The following ATXN3 variants were observed in gnomAD, a reference collection of about 807,000 sequenced individuals.
ATXN3 encodes ataxin-3.
In ATXN3, 28 loss-of-function variants were observed where a neutral mutation model predicts 58.2. That is an observed-to-expected ratio of 0.48 (90% CI 0.36 to 0.66). The LOEUF is 0.66. Among genes scored for constraint, ATXN3 ranks in the 30% least tolerant of loss-of-function variants. ATXN3 has a pLI of 0.00. For synonymous variants in ATXN3, 113 were observed against 138.5 expected, an observed-to-expected ratio of 0.82 and a Z score of 1.29; for missense variants, 321 against 422.1, an observed-to-expected ratio of 0.76 and a Z score of 2.10.
chr14:92,098,677 C>A (rs1317547737), intron 1 of ATXN3, among the ~76,000 whole-genome samples: 1 of 152,218 alleles, frequency 6.6e-6, no homozygotes, highest in Admixed American at 6.5e-5. Context: ...GAGAAAAATT[C>A]TGTTCCATGT....
downstream of ATXN3, among the ~76,000 whole-genome samples, chr14:92,057,626 T>C (rs2057487373): frequency 6.6e-6 from 1 of 151,842 alleles, no homozygotes; most frequent in South Asian, 2.1e-4. Context: ...CCTGTAATGT[T>C]ATTATGTTTC....
rs376552690 is a variant in ATXN3, at chr14:92,075,156, GTTTTTTTTTTT to G, written c.873-4114_873-4104del. On this transcript the variant is annotated intron_variant, in intron 9 of 10. Transcript: ENST00000644486. ...ATAAATTATGAATCTGTAATAGGGA[GTTTTTTTTTTT>G]TTTTTTTTTTTTTTGAGATGGAGTC... Among the ~76,000 whole-genome samples the G allele has an allele frequency of 2.9e-3, 326 of 111,354 alleles. 3 individuals carry two copies. Among genetic ancestry groups the G allele is most frequent in the East Asian group, 0.016 (62 of 3,866 alleles). The allele number at this position is 111,354 out of a possible 152,430, so 73.1% of individuals were successfully genotyped here.
At chr14:92,054,291 T>C (rs923243390), downstream of ATXN3, among the ~76,000 whole-genome samples, 1 of 152,176 alleles carries the variant, frequency 6.6e-6, no homozygotes, top group South Asian at 2.1e-4. Context: ...CTGGGCTGCA[T>C]TCCCAGATGG....
At position 92,083,288 on chromosome 14, in the gene ATXN3, C is replaced by A. The variant is rs12590497; in HGVS notation, c.476-30G>T. On this transcript the variant is annotated intron_variant, in intron 6 of 10. Coordinates refer to ENST00000644486, the MANE Select transcript of ATXN3 (RefSeq NM_004993.6). ...AAAAAAAAGGCAAAAATCAACCTAACCAGTTAGTAAAGAGATTCAAAATTG... is the reference window on the plus strand; with the variant it reads ...AAAAAAAAGGCAAAAATCAACCTAAACAGTTAGTAAAGAGATTCAAAATTG... 0.26 allele frequency: 411,768 copies of A among 1,578,326 alleles called. 56,227 individuals carry two copies. The highest frequency in any genetic ancestry group is 0.46 in the East Asian group (20,630 of 44,616).
intron 7 of ATXN3, 25 bp downstream of exon 7, chr14:92,083,101 T>A: frequency 6.3e-7 from 1 of 1,596,098 alleles, no homozygotes; most frequent in Non-Finnish European, 8.5e-7. Flanking sequence ...TACCATATAT[T>A]CCATACTGCA....
chr14:92,051,718 C>CGTT (rs2057448563), upstream of ATXN3, among the ~76,000 whole-genome samples: 2 of 35,692 alleles, frequency 5.6e-5, no homozygotes, highest in Non-Finnish European at 1.0e-4. Context: ...CTTTTCCTTT[C>CGTT]TTTTTTTTTT....
intron 5 of ATXN3, among the ~76,000 whole-genome samples, chr14:92,089,119 T>C (rs8003520): frequency 0.29 from 42,642 of 149,486 alleles, 6,336 homozygotes; most frequent in East Asian, 0.45. Context: ...CAGGTTCAAG[T>C]GATTCTCCTG....
At chr14:92,082,174 A>C (rs1220017678) in intron 8 of ATXN3, 126 bp downstream of exon 8, 2 of 1,030,952 alleles carry the variant, frequency 1.9e-6, no homozygotes, top group Admixed American at 5.4e-5. Flanking sequence ...AAAGCCCACT[A>C]TATAGCTATT....
At chr14:92,071,877 A>G (rs2059512801) in intron 9 of ATXN3, among the ~76,000 whole-genome samples, 1 of 152,152 alleles carries the variant, frequency 6.6e-6, no homozygotes, top group Admixed American at 6.6e-5. Context: ...CCATTATTTC[A>G]TCACTTCATT....
intron 10 of ATXN3, among the ~76,000 whole-genome samples, chr14:92,067,656 C>A (rs2058688792): frequency 6.6e-6 from 1 of 152,062 alleles, no homozygotes; most frequent in African/African-American, 2.4e-5. Context: ...CTTGGCCTCC[C>A]AAAGTGCTGG....
At chr14:92,087,813 G>T (rs559976759) in intron 6 of ATXN3, among the ~76,000 whole-genome samples, 1 of 152,334 alleles carries the variant, frequency 6.6e-6, no homozygotes, top group African/African-American at 2.4e-5. Context: ...TAGTTAAAGA[G>T]TAATATGCTT....
intron 5 of ATXN3, among the ~76,000 whole-genome samples, chr14:92,089,332 CTTTTTTTTTT>C (rs1157498754): frequency 3.3e-5 from 2 of 60,738 alleles, no homozygotes; most frequent in African/African-American, 7.4e-5. Context: ...GCTAAATACT[CTTTTTTTTTT>C]TTTTTTTTTT....
chr14:92,088,107 C>T (rs997390895), intron 6 of ATXN3, among the ~76,000 whole-genome samples: 1 of 150,130 alleles, frequency 6.7e-6, no homozygotes, highest in Admixed American at 6.7e-5. Flanking sequence ...CTCGCTCTGT[C>T]GCCCAGGCTG....
intron 6 of ATXN3, among the ~76,000 whole-genome samples, chr14:92,085,880 G>A (rs2062371192): frequency 6.6e-6 from 1 of 152,106 alleles, no homozygotes; most frequent in Non-Finnish European, 1.5e-5. Flanking sequence ...GAAAAGTGCA[G>A]GCAGCAAGTT....
In ATXN3 at chr14:92,088,837, A is replaced by G. The variant is rs768171400; in HGVS notation, c.388-20T>C. On this transcript the variant is annotated intron_variant, in intron 5 of 10. Transcript: ENST00000644486. Reference sequence around the variant, plus strand: ...AAACCACTGGAAAAAAATTGTCAATATTTAAGTTAGTGTATATTATAGGTA... The same window carrying G: ...AAACCACTGGAAAAAAATTGTCAATGTTTAAGTTAGTGTATATTATAGGTA... 1.1e-5 allele frequency: 16 copies of G among 1,468,428 alleles called. No individual in the cohort carries two copies. Among genetic ancestry groups the G allele is most frequent in the Non-Finnish European group, 1.5e-5 (16 of 1,048,888 alleles). The allele number at this position is 1,468,428 out of a possible 1,614,324, so 91.0% of individuals were successfully genotyped here.
At position 92,096,936 on chromosome 14, in the gene ATXN3, C is replaced by T. The variant is rs1441466149; in HGVS notation, c.25-98G>A. On this transcript the variant is annotated intron_variant, in intron 1 of 10. Coordinates refer to ENST00000644486, the MANE Select transcript of ATXN3 (RefSeq NM_004993.6). Reference sequence around the variant, plus strand: ...TTTTTTTTTTTTTTTGAGACGGAGTCTCACTCTTTCACCCAGGCCGGAGTG... The same window carrying T: ...TTTTTTTTTTTTTTTGAGACGGAGTTTCACTCTTTCACCCAGGCCGGAGTG... 10 of 1,050,686 alleles carry T rather than the reference C, an allele frequency of 9.5e-6. No homozygotes were observed. In the Admixed American group the frequency reaches 1.1e-4, roughly 11 times the overall value. The allele number at this position is 1,050,686 out of a possible 1,614,324, so 65.1% of individuals were successfully genotyped here. A position where few individuals can be genotyped will look rare whatever the true frequency, so the allele number is the denominator to read the frequency against.
intron 5 of ATXN3, among the ~76,000 whole-genome samples, chr14:92,092,762 A>G (rs981451322): frequency 6.6e-6 from 1 of 151,894 alleles, no homozygotes; most frequent in African/African-American, 2.4e-5. Flanking sequence ...ATTTCTATCT[A>G]TCAAGAAGGA....
intron 8 of ATXN3, 38 bp downstream of exon 8, chr14:92,082,262 T>A: frequency 6.4e-7 from 1 of 1,565,524 alleles, no homozygotes. Flanking sequence ...GAATCAATTC[T>A]TCAGCAATGA....
chr14:92,089,332 C>G (rs571382527), intron 5 of ATXN3, among the ~76,000 whole-genome samples: 2 of 60,738 alleles, frequency 3.3e-5, no homozygotes, highest in Non-Finnish European at 6.0e-5. Context: ...GCTAAATACT[C>G]TTTTTTTTTT....
Sources: gnomAD v4.1 joint callset for allele counts (sites outside exome capture counted in the v4.1 genomes callset) on GRCh38, gnomAD v4.1.1 for gene constraint, MANE v1.5 for transcripts, NCBI Gene and HGNC (gene_info 2026-07-23, HGNC 2026-07-21) for gene names.